The following TOM1 variants were observed in gnomAD, a reference collection of about 807,000 sequenced individuals.
TOM1 encodes the protein target of myb1 membrane trafficking protein.
A neutral mutation model predicts 61.3 loss-of-function variants in TOM1; 38 were observed. The ratio of observed to expected loss-of-function variants is 0.62; its 90% CI spans 0.48 to 0.81. TOM1 has a LOEUF of 0.81. Among genes scored for constraint, TOM1 ranks in the 40% least tolerant of loss-of-function variants. TOM1 has a pLI of 0.00. For missense variants in TOM1, 591 were observed against 659.6 expected (o/e 0.90, Z 1.14); for synonymous variants, 270 against 268.8 (o/e 1.00, Z -0.04).
Position 35,334,356 on chromosome 22 carries a change from C to T in TOM1, c.1056C>T (p.Gly352=), listed in dbSNP as rs138650002. 182 of 1,614,018 alleles carry T rather than the reference C, an allele frequency of 1.1e-4. No homozygotes were observed. Among genetic ancestry groups the T allele is most frequent in the Admixed American group, 3.5e-4 (21 of 59,996 alleles). The part of the protein sequence containing the change: ...MNLGSSSVRA[G]LQSLEASGRL... ...TGGGCTCCAGCAGTGTGAGAGCTGG[C>T]CTGCAGTCTCTGGAGGCCTCTGGTC... Residue 352 remains glycine, a synonymous_variant, in exon 11 of 15, where the codon GGC becomes GGT. Coordinates refer to ENST00000449058, the MANE Select transcript of TOM1 (RefSeq NM_005488.3).
chr22:35,311,872 G>T (rs1414969997), intron 1 of TOM1, among the ~76,000 whole-genome samples: 1 of 152,204 alleles, frequency 6.6e-6, no homozygotes, highest in Non-Finnish European at 1.5e-5. Flanking sequence ...CCATGATGTT[G>T]TTATTGTCAT....
intron 7 of TOM1, among the ~76,000 whole-genome samples, chr22:35,328,670 TC>T (rs1336908185): frequency 6.6e-6 from 1 of 152,124 alleles, no homozygotes; most frequent in Admixed American, 6.5e-5. Context: ...ACCCGCCCTG[TC>T]CCCGTGCTAA....
At chr22:35,328,528 G>A (rs1475788816) in intron 7 of TOM1, among the ~76,000 whole-genome samples, 4 of 152,206 alleles carry the variant, frequency 2.6e-5, no homozygotes, top group Admixed American at 6.5e-5. Context: ...GCAGAGCTGC[G>A]ATTTGAACCC....
intron 3 of TOM1, chr22:35,322,287 G>A (rs1285856611): frequency 1.7e-5 from 8 of 468,224 alleles, no homozygotes; most frequent in Non-Finnish European, 2.7e-5. Flanking sequence ...CTGGCAGGGA[G>A]AGCCTGGGCC....
At chr22:35,306,546 T>C (rs1399746244) in intron 1 of TOM1, among the ~76,000 whole-genome samples, 2 of 152,186 alleles carry the variant, frequency 1.3e-5, no homozygotes, top group Non-Finnish European at 2.9e-5. Context: ...GAGTCCTGGT[T>C]CAGTCCTCAA....
At position 35,323,746 on chromosome 22, in the gene TOM1, G is replaced by A. The variant is rs780725033; in HGVS notation, c.502-22G>A. On this transcript the variant is annotated intron_variant, in intron 5 of 14. Coordinates refer to ENST00000449058, the MANE Select transcript of TOM1 (RefSeq NM_005488.3). The surrounding 1 kb of genome is among the most constrained non-coding windows in gnomAD (Gnocchi z 4.2). ...CTTGATGTTCCCAGGAGCCCTCACT[G>A]ATCCTGTTTTCCTCCCACTAGACCG... The A allele has an allele frequency of 6.2e-7, 1 of 1,600,282 alleles. No homozygotes were observed. The highest frequency in any genetic ancestry group is 8.5e-7 in the Non-Finnish European group (1 of 1,170,954).
At chr22:35,301,192 A>T (rs770845348) in intron 1 of TOM1, among the ~76,000 whole-genome samples, 3 of 152,018 alleles carry the variant, frequency 2.0e-5, no homozygotes, top group Non-Finnish European at 4.4e-5. Context: ...GCGCCACTGT[A>T]CTCCAGCCTG....
At chr22:35,345,444 G>A (rs905107613) in intron 12 of TOM1, 25 of 535,174 alleles carry the variant, frequency 4.7e-5, no homozygotes, top group Non-Finnish European at 4.1e-5. Context: ...TACCCGAAGG[G>A]TGTGTCGGAA....
intron 2 of TOM1, among the ~76,000 whole-genome samples, chr22:35,318,764 G>A (rs559215372): frequency 6.6e-6 from 1 of 152,372 alleles, no homozygotes; most frequent in Admixed American, 6.5e-5. Context: ...AGAGGTGTGG[G>A]AGCCGTGGGC....
chr22:35,341,535 A>G (rs1228053298), intron 12 of TOM1, among the ~76,000 whole-genome samples: 1 of 151,990 alleles, frequency 6.6e-6, no homozygotes, highest in African/African-American at 2.4e-5. Context: ...GAACCAACAC[A>G]CCGCGAGCCT....
intron 1 of TOM1, among the ~76,000 whole-genome samples, chr22:35,314,776 T>C (rs572983057): frequency 6.6e-6 from 1 of 152,286 alleles, no homozygotes; most frequent in South Asian, 2.1e-4. Context: ...GAGATGCGGA[T>C]GGCACAGAAG....
chr22:35,321,998 G>A lies in TOM1; in HGVS notation c.177G>A (p.Val59=), dbSNP rs750309786. The A allele has an allele frequency of 6.2e-7, 1 of 1,614,168 alleles. No individual in the cohort carries two copies. Among genetic ancestry groups the A allele is most frequent in the Non-Finnish European group, 8.5e-7 (1 of 1,180,016 alleles). ...DALRAVKKRI[V]GNKNFHEVML... ...TCCGAGCAGTAAAGAAGAGAATCGTGGGGAATAAGAACTTCCACGAGGTGA... is the reference window on the plus strand; with the variant it reads ...TCCGAGCAGTAAAGAAGAGAATCGTAGGGAATAAGAACTTCCACGAGGTGA... The change falls in exon 3 of 15, where the codon GTG becomes GTA. Residue 59 remains valine (V), a synonymous_variant. Transcript: ENST00000449058.
upstream of TOM1, chr22:35,299,764 G>A (rs748096047): frequency 1.3e-4 from 95 of 741,324 alleles, no homozygotes; most frequent in Non-Finnish European, 2.0e-4. Context: ...CGCCTCGGGG[G>A]CGGGACCCTG....
chr22:35,333,090 C>G (rs1928982220), intron 9 of TOM1, 76 bp downstream of exon 9: 1 of 1,479,070 alleles, frequency 6.8e-7, no homozygotes, highest in African/African-American at 1.4e-5. Flanking sequence ...CCTCCCTCCC[C>G]TAGTAAACTG....
chr22:35,300,208 GGA>G (rs1183808293), intron 1 of TOM1, among the ~76,000 whole-genome samples: 4 of 152,262 alleles, frequency 2.6e-5, no homozygotes, highest in Non-Finnish European at 1.5e-5. Context: ...CAGTAGGTAA[GGA>G]GAGAGGGTGG....
At chr22:35,320,414 G>A (rs1169683929) in intron 2 of TOM1, among the ~76,000 whole-genome samples, 1 of 152,100 alleles carries the variant, frequency 6.6e-6, no homozygotes, top group Non-Finnish European at 1.5e-5. Context: ...GGGAGAGCAG[G>A]CTGGCACCCC....
Position 35,331,562 on chromosome 22 carries a change from T to C in TOM1, c.899+1082T>C. ...TGTGAAATGGGGGAGGAGCAGTTCC[T>C]CTAAAGAGTACTTAGGTGCTATTAC... On this transcript the variant is annotated intron_variant, in intron 8 of 14. Coordinates refer to ENST00000449058, the MANE Select transcript of TOM1 (RefSeq NM_005488.3). 3 of 315,032 alleles carry C rather than the reference T, an allele frequency of 9.5e-6. 1 individual carries two copies. The Middle Eastern group carries it at 1.2e-3, about 126-fold the overall frequency. The allele number at this position is 315,032 out of a possible 1,614,324, so 19.5% of individuals were successfully genotyped here. A position where few individuals can be genotyped will look rare whatever the true frequency, so the allele number is the denominator to read the frequency against.
chr22:35,339,787 C>T (rs1479869431), intron 12 of TOM1, among the ~76,000 whole-genome samples: 1 of 151,714 alleles, frequency 6.6e-6, no homozygotes, highest in Non-Finnish European at 1.5e-5. Context: ...GCCTGTAGTC[C>T]CAGCTACTTG....
At position 35,330,425 on chromosome 22, in the gene TOM1, G is replaced by A; in HGVS notation, c.844G>A (p.Glu282Lys). The change falls in exon 8 of 15, where the codon GAG (glutamate) becomes AAG (lysine). Residue 282 changes from glutamate to lysine, a missense_variant. Coordinates refer to ENST00000449058, the MANE Select transcript of TOM1 (RefSeq NM_005488.3). ...IPQIANEQLT[E>K]ELLIVNDNLN... ...TCAGATCGCCAATGAGCAGCTGACA[G>A]AGGAGCTGCTCATCGTCAATGACAA... The A allele has an allele frequency of 6.2e-7, 1 of 1,613,422 alleles. No homozygotes were observed. The highest frequency in any genetic ancestry group is 8.5e-7 in the Non-Finnish European group (1 of 1,179,624).
Sources: gnomAD v4.1 joint callset for allele counts (sites outside exome capture counted in the v4.1 genomes callset) on GRCh38, gnomAD v4.1.1 for gene constraint, Gnocchi (gnomAD v3.1) non-coding constraint, MANE v1.5 for transcripts, NCBI Gene and HGNC (gene_info 2026-07-23, HGNC 2026-07-21) for gene names.